The following POU6F2 variants were observed in gnomAD, a reference collection of about 807,000 sequenced individuals.
POU6F2 encodes the protein POU class 6 homeobox 2, also known as POU domain, class 6, transcription factor 2.
A neutral mutation model predicts 71.3 loss-of-function variants in POU6F2; 31 were observed. The ratio of observed to expected loss-of-function variants is 0.43; its 90% CI spans 0.33 to 0.59. The LOEUF (loss-of-function observed/expected upper bound fraction) is 0.59, where lower values mean the gene tolerates loss of function less well. Among genes scored for constraint, POU6F2 ranks in the 20% least tolerant of loss-of-function variants. The probability of loss-of-function intolerance (pLI) is 0.04; values close to 1 mark genes in which losing one functional copy is unlikely to be tolerated. For synonymous variants in POU6F2, 347 were observed against 355.7 expected (o/e 0.98, Z 0.27); for missense variants, 783 against 856.8 (o/e 0.91, Z 1.07).
chr7:39,124,139 C>T (rs377450119), intron 2 of POU6F2, among the ~76,000 whole-genome samples: 3 of 151,522 alleles, frequency 2.0e-5, no homozygotes, highest in Non-Finnish European at 4.4e-5. Context: ...CTCCACCTCC[C>T]GGGTTCAAGT....
rs182113308 is a variant in POU6F2, at chr7:39,355,696, C to G, written c.972+15681C>G. 4.3e-4 allele frequency among the ~76,000 whole-genome samples: 65 copies of G among 152,288 alleles called. No homozygotes were observed. The East Asian group carries it at 0.012, about 28-fold the overall frequency. ...GCCCCCCAGCCTTCGCCCACACACA[C>G]GTATCTTCCAGGGAACTTCAAGTTT... On this transcript the variant is annotated intron_variant, in intron 5 of 9. Coordinates refer to ENST00000518318, the MANE Select transcript of POU6F2 (RefSeq NM_001370959.1).
chr7:39,191,081 G>A (rs966237883), intron 2 of POU6F2, among the ~76,000 whole-genome samples: 2 of 152,184 alleles, frequency 1.3e-5, no homozygotes, highest in Non-Finnish European at 2.9e-5. Flanking sequence ...ATAACTCACT[G>A]ATATATAAAG....
intron 7 of POU6F2, among the ~76,000 whole-genome samples, chr7:39,435,238 A>C (rs367667319): frequency 6.6e-6 from 1 of 152,308 alleles, no homozygotes. Flanking sequence ...GAACTAATTT[A>C]CATTCCCACC....
chr7:39,242,065 A>G (rs932204841), intron 4 of POU6F2, among the ~76,000 whole-genome samples: 2 of 152,122 alleles, frequency 1.3e-5, no homozygotes, highest in Non-Finnish European at 2.9e-5. Context: ...TCTGTGAGTA[A>G]GGTTTCACTG....
chr7:39,217,752 T>C (rs1267919374), intron 4 of POU6F2, among the ~76,000 whole-genome samples: 1 of 152,162 alleles, frequency 6.6e-6, no homozygotes, highest in East Asian at 1.9e-4. Flanking sequence ...ACTTTGGCAG[T>C]TTTTCAAACC....
chr7:39,252,401 C>CAG (rs10647500), intron 4 of POU6F2, among the ~76,000 whole-genome samples: 22,020 of 65,472 alleles, frequency 0.34, 1,821 homozygotes, highest in East Asian at 0.48. Flanking sequence ...GACAGACAGA[C>CAG]ACACACACAC....
chr7:39,105,024 G>C (rs1406684855), intron 2 of POU6F2, among the ~76,000 whole-genome samples: 1 of 152,140 alleles, frequency 6.6e-6, no homozygotes, highest in Non-Finnish European at 1.5e-5. Context: ...AAGAGGTTTA[G>C]TTTAAATTTT....
chr7:39,372,530 A>T (rs1786635733), intron 5 of POU6F2, among the ~76,000 whole-genome samples: 1 of 152,194 alleles, frequency 6.6e-6, no homozygotes, highest in African/African-American at 2.4e-5. Context: ...GGGGAAGGTC[A>T]GTCTTTTGTT....
intron 6 of POU6F2, among the ~76,000 whole-genome samples, chr7:39,413,601 CATT>C (rs1306085811): frequency 6.6e-6 from 1 of 152,034 alleles, no homozygotes; most frequent in East Asian, 1.9e-4. Context: ...TTTGCAATGT[CATT>C]GTAGCAAATT....
chr7:39,340,050 G>A, intron 5 of POU6F2, 35 bp downstream of exon 5: 1 of 1,564,000 alleles, frequency 6.4e-7, no homozygotes. Flanking sequence ...GCCCCTAGGA[G>A]CACCAAGGAC....
At chr7:39,255,053 T>C (rs1783994917) in intron 4 of POU6F2, among the ~76,000 whole-genome samples, 1 of 152,242 alleles carries the variant, frequency 6.6e-6, no homozygotes, top group African/African-American at 2.4e-5. Flanking sequence ...ATATATATCC[T>C]TTATATATAT....
chr7:39,325,014 T>C (rs956357043), intron 4 of POU6F2, among the ~76,000 whole-genome samples: 1 of 152,120 alleles, frequency 6.6e-6, no homozygotes, highest in South Asian at 2.1e-4. Context: ...AAGAATTCTA[T>C]TGTAGAGATG....
intron 1 of POU6F2, among the ~76,000 whole-genome samples, chr7:39,035,260 G>A (rs1443304618): frequency 6.6e-6 from 1 of 152,006 alleles, no homozygotes; most frequent in African/African-American, 2.4e-5. Context: ...TGTTTAAAAG[G>A]ACAAATTACA....
At chr7:39,278,095 G>T (rs2128758801) in intron 4 of POU6F2, among the ~76,000 whole-genome samples, 2 of 76,180 alleles carry the variant, frequency 2.6e-5, no homozygotes, top group South Asian at 1.4e-3. Context: ...AAGAGAGGGA[G>T]GGAGGGAGGG....
At chr7:39,234,928 C>G (rs1361565252) in intron 4 of POU6F2, among the ~76,000 whole-genome samples, 1 of 152,172 alleles carries the variant, frequency 6.6e-6, no homozygotes, top group Non-Finnish European at 1.5e-5. Flanking sequence ...GCATTCCTCC[C>G]TAGGCGTGGC....
chr7:39,099,621 G>A (rs952914573), intron 2 of POU6F2, among the ~76,000 whole-genome samples: 12 of 152,130 alleles, frequency 7.9e-5, no homozygotes, highest in African/African-American at 2.9e-4. Context: ...TGGTAACCTG[G>A]GTTTGAATCA....
intron 4 of POU6F2, among the ~76,000 whole-genome samples, chr7:39,247,065 C>T (rs187364182): frequency 4.5e-4 from 68 of 152,134 alleles, no homozygotes; most frequent in African/African-American, 1.6e-3. Context: ...ATGAACAAGT[C>T]TTCAGTGCTC....
intron 2 of POU6F2, among the ~76,000 whole-genome samples, chr7:39,105,627 G>A (rs1791664381): frequency 6.6e-6 from 1 of 152,020 alleles, no homozygotes; most frequent in Admixed American, 6.6e-5. Flanking sequence ...ATTAAAGTGG[G>A]GGGTGGTGCA....
At chr7:39,286,051 T>G (rs1784644174) in intron 4 of POU6F2, among the ~76,000 whole-genome samples, 1 of 152,224 alleles carries the variant, frequency 6.6e-6, no homozygotes, top group African/African-American at 2.4e-5. Context: ...GCATCTGTAC[T>G]TAAGCCTCAT....
Sources: allele counts gnomAD v4.1 joint callset (sites outside exome capture counted in the v4.1 genomes callset), GRCh38; gene constraint gnomAD v4.1.1; transcripts MANE v1.5; gene names NCBI Gene and HGNC (gene_info 2026-07-23, HGNC 2026-07-21).